NEGR1: variants seen among roughly 807,000 people sequenced by gnomAD.
The protein encoded by NEGR1 is IgLON family member 4.
In NEGR1, 10 loss-of-function variants were observed where a neutral mutation model predicts 40.9. That is an observed-to-expected ratio of 0.24 (90% CI 0.15 to 0.42). The LOEUF (loss-of-function observed/expected upper bound fraction) is 0.42. NEGR1 is among the 10% of genes least tolerant of loss of function. The pLI is 1.00. For synonymous variants in NEGR1, 185 were observed against 166.8 expected, an observed-to-expected ratio of 1.11 and a Z score of -0.84; for missense variants, 352 against 438.9, an observed-to-expected ratio of 0.80 and a Z score of 1.77.
chr1:71,881,803 C>T (rs905077577), intron 2 of NEGR1, among the ~76,000 whole-genome samples: 6 of 152,034 alleles, frequency 3.9e-5, no homozygotes, highest in Admixed American at 6.6e-5. Flanking sequence ...TTCTGAATGT[C>T]TTTCCTCTTT....
intron 4 of NEGR1, among the ~76,000 whole-genome samples, chr1:71,687,389 G>T (rs1268980648): frequency 2.0e-5 from 3 of 152,128 alleles, no homozygotes; most frequent in African/African-American, 7.2e-5. Flanking sequence ...AGTGTTTAAT[G>T]CCCCTGGCAC....
chr1:71,999,828 T>G (rs1168606289), intron 1 of NEGR1, among the ~76,000 whole-genome samples: 4 of 151,156 alleles, frequency 2.6e-5, no homozygotes, highest in African/African-American at 9.7e-5. Flanking sequence ...GCCTTAGGTT[T>G]AGTACTTTAT....
intron 3 of NEGR1, among the ~76,000 whole-genome samples, chr1:71,771,998 A>C (rs1320043180): frequency 6.6e-6 from 1 of 152,086 alleles, no homozygotes; most frequent in Non-Finnish European, 1.5e-5. Context: ...TAGCATAGGG[A>C]AGAAAAAGGA....
At chr1:71,760,178 T>A (rs919763104) in intron 3 of NEGR1, among the ~76,000 whole-genome samples, 5 of 152,174 alleles carry the variant, frequency 3.3e-5, no homozygotes, top group Admixed American at 2.6e-4. Context: ...TTTTATGAAA[T>A]GTTTGGTGGG....
intron 2 of NEGR1, among the ~76,000 whole-genome samples, chr1:71,831,885 G>A (rs1245870250): frequency 6.6e-6 from 1 of 151,880 alleles, no homozygotes; most frequent in Non-Finnish European, 1.5e-5. Context: ...GGGCTGAGTG[G>A]GAGCCCTGGT....
At chr1:71,697,346 G>A (rs1302457340) in intron 4 of NEGR1, among the ~76,000 whole-genome samples, 1 of 151,692 alleles carries the variant, frequency 6.6e-6, no homozygotes, top group African/African-American at 2.4e-5. Context: ...AAGTAAAAAC[G>A]ATTGTAGTCA....
chr1:72,000,366 C>T (rs996323472), intron 1 of NEGR1, among the ~76,000 whole-genome samples: 1 of 151,662 alleles, frequency 6.6e-6, no homozygotes, highest in Admixed American at 6.6e-5. Context: ...TGTTAATACA[C>T]ATTTAATATC....
At chr1:71,820,346 C>T (rs1401967975) in intron 2 of NEGR1, among the ~76,000 whole-genome samples, 1 of 151,954 alleles carries the variant, frequency 6.6e-6, no homozygotes, top group Non-Finnish European at 1.5e-5. Flanking sequence ...AGAACCCATT[C>T]AGTGAAGATG....
At chr1:71,552,638 C>T (rs1426493994) in intron 6 of NEGR1, among the ~76,000 whole-genome samples, 1 of 149,284 alleles carries the variant, frequency 6.7e-6, no homozygotes, top group Non-Finnish European at 1.5e-5. Flanking sequence ...AATATATATA[C>T]ACACATCTAT....
At chr1:71,522,161 G>T (rs1273092779) in intron 6 of NEGR1, among the ~76,000 whole-genome samples, 4 of 151,870 alleles carry the variant, frequency 2.6e-5, no homozygotes, top group African/African-American at 4.8e-5. Flanking sequence ...GGATTAAAAA[G>T]GATATAATAC....
chr1:72,214,827 T>C (rs1189524935), intron 1 of NEGR1, among the ~76,000 whole-genome samples: 2 of 149,132 alleles, frequency 1.3e-5, no homozygotes, highest in Non-Finnish European at 3.0e-5. Flanking sequence ...CAAGCTACCA[T>C]TGAATTTCTT....
chr1:71,622,357 T>A (rs1650637422), intron 4 of NEGR1, among the ~76,000 whole-genome samples: 1 of 151,946 alleles, frequency 6.6e-6, no homozygotes, highest in Non-Finnish European at 1.5e-5. Context: ...TACAATCTTG[T>A]AAATAAAATT....
intron 1 of NEGR1, among the ~76,000 whole-genome samples, chr1:72,098,250 T>C (rs1376280690): frequency 6.6e-6 from 1 of 152,146 alleles, no homozygotes; most frequent in Non-Finnish European, 1.5e-5. Flanking sequence ...CAGATCATAA[T>C]AGTTTATTGT....
chr1:71,432,777 C>A (rs2101297625), intron 6 of NEGR1, among the ~76,000 whole-genome samples: 1 of 152,276 alleles, frequency 6.6e-6, no homozygotes, highest in African/African-American at 2.4e-5. Flanking sequence ...TTATTATTCT[C>A]CCCCACCTTA....
At chr1:71,442,364 C>A (rs1646553965) in intron 6 of NEGR1, among the ~76,000 whole-genome samples, 1 of 151,446 alleles carries the variant, frequency 6.6e-6, no homozygotes, top group Non-Finnish European at 1.5e-5. Flanking sequence ...CCTGTAATAC[C>A]AGCACTTTGG....
intron 6 of NEGR1, among the ~76,000 whole-genome samples, chr1:71,542,032 A>G (rs1367773756): frequency 6.6e-6 from 1 of 151,800 alleles, no homozygotes; most frequent in Non-Finnish European, 1.5e-5. Flanking sequence ...AACGGAGACC[A>G]TAAATAAAAA....
At chr1:72,108,060 A>G (rs1649205821) in intron 1 of NEGR1, among the ~76,000 whole-genome samples, 1 of 151,636 alleles carries the variant, frequency 6.6e-6, no homozygotes, top group Non-Finnish European at 1.5e-5. Flanking sequence ...AGCTTCCAGG[A>G]TAAAATATGT....
chr1:72,147,973 T>A (rs1264640240), intron 1 of NEGR1, among the ~76,000 whole-genome samples: 1 of 152,072 alleles, frequency 6.6e-6, no homozygotes, highest in Non-Finnish European at 1.5e-5. Context: ...CCTGGTTGCT[T>A]TCATGGGCTG....
intron 1 of NEGR1, among the ~76,000 whole-genome samples, chr1:72,027,382 C>A (rs1228644599): frequency 6.6e-6 from 1 of 151,904 alleles, no homozygotes; most frequent in East Asian, 1.9e-4. Context: ...TTCTTACTTA[C>A]AAAGGATTTA....
Sources: allele counts gnomAD v4.1 joint callset (sites outside exome capture counted in the v4.1 genomes callset), GRCh38; gene constraint gnomAD v4.1.1; transcripts MANE v1.5; gene names NCBI Gene and HGNC (gene_info 2026-07-23, HGNC 2026-07-21).